PRSS3: variants seen among roughly 807,000 people sequenced by gnomAD.
PRSS3 encodes serine protease 3, also known as trypsin-3.
PRSS3 carries 14 observed loss-of-function variants against 20.8 expected under a neutral mutation model. The observed-to-expected ratio is 0.67, with a 90% CI of 0.44 to 1.05. The LOEUF (loss-of-function observed/expected upper bound fraction) is 1.05, where lower values mean the gene tolerates loss of function less well. Among genes scored for constraint, PRSS3 ranks in the 50% least tolerant of loss-of-function variants. The pLI is 0.00. For missense variants in PRSS3, 237 were observed against 306.4 expected (o/e 0.77, Z 1.69); for synonymous variants, 91 against 117.6 (o/e 0.77, Z 1.46).
At chr9:33,792,528 C>T (rs758952663), upstream of PRSS3, among the ~76,000 whole-genome samples, 2 of 152,180 alleles carry the variant, frequency 1.3e-5, no homozygotes, top group Non-Finnish European at 2.9e-5. Flanking sequence ...ATATCTGCTG[C>T]CTACCACCTC....
At chr9:33,777,407 G>A (rs1823979131) in intron 1 of PRSS3, among the ~76,000 whole-genome samples, 1 of 151,468 alleles carries the variant, frequency 6.6e-6, no homozygotes, top group Admixed American at 6.6e-5. Flanking sequence ...GTCTTAGGTC[G>A]AGCCACCGCG....
intron 1 of PRSS3, among the ~76,000 whole-genome samples, chr9:33,787,992 C>T (rs1178208932): frequency 1.3e-5 from 2 of 152,208 alleles, no homozygotes; most frequent in Non-Finnish European, 2.9e-5. Context: ...CTTGTCTGTG[C>T]CTTCCCTACT....
chr9:33,774,705 G>C (rs1002720159), intron 1 of PRSS3, among the ~76,000 whole-genome samples: 4 of 152,100 alleles, frequency 2.6e-5, no homozygotes, highest in African/African-American at 9.7e-5. Flanking sequence ...AAAAAAGCAG[G>C]CTGGGCACAG....
chr9:33,793,165 A>G (rs1346552624), upstream of PRSS3, among the ~76,000 whole-genome samples: 2 of 152,220 alleles, frequency 1.3e-5, no homozygotes, highest in Non-Finnish European at 2.9e-5. Flanking sequence ...GAAAATCCTC[A>G]TATTCTTGGG....
At chr9:33,763,973 C>G (rs1194406001) in intron 1 of PRSS3, among the ~76,000 whole-genome samples, 2 of 152,092 alleles carry the variant, frequency 1.3e-5, no homozygotes, top group Non-Finnish European at 2.9e-5. Context: ...TGAGTGTTGT[C>G]TGTATACTCT....
chr9:33,797,783 C>G (rs1825067980), intron 2 of PRSS3, 46 bp from the exon 3 acceptor site: 1 of 1,614,172 alleles, frequency 6.2e-7, no homozygotes, highest in Non-Finnish European at 8.5e-7. Context: ...GGAGGGGTGC[C>G]CAGGCTGTGG....
At position 33,750,884 on chromosome 9, in the gene PRSS3, A is replaced by C; in HGVS notation, c.-53+157A>C. Reference sequence around the variant, plus strand: ...GGACAGGGAGGGGATACCGACTGGGAGGGGCTCAGGGACAGGGATGGAGGC... The same window carrying C: ...GGACAGGGAGGGGATACCGACTGGGCGGGGCTCAGGGACAGGGATGGAGGC... On this transcript the variant is annotated intron_variant, in intron 1 of 5. Transcript: ENST00000342836. The surrounding 1 kb of genome is among the most constrained non-coding windows in gnomAD (Gnocchi z 4.8). 1 of 1,354,502 alleles carries C rather than the reference A, an allele frequency of 7.4e-7. No homozygotes were observed. The highest frequency in any genetic ancestry group is 1.9e-5 in the South Asian group (1 of 53,412). The allele number at this position is 1,354,502 out of a possible 1,614,324, so 83.9% of individuals were successfully genotyped here. A position where few individuals can be genotyped will look rare whatever the true frequency, so the allele number is the denominator to read the frequency against.
At chr9:33,779,735 G>T (rs1209434967) in intron 1 of PRSS3, among the ~76,000 whole-genome samples, 1 of 151,786 alleles carries the variant, frequency 6.6e-6, no homozygotes, top group Non-Finnish European at 1.5e-5. Flanking sequence ...CGGGCATGGT[G>T]GCAGGTACCT....
rs142813493 is a variant in PRSS3 at position 33,799,045 on chromosome 9, T to A, written c.609T>A (p.Pro203=). The change falls in exon 5 of 5, where the codon CCT becomes CCA. Residue 203 remains proline (P), a synonymous_variant. Transcript: ENST00000379405. ...CTCCCCAGCGTGACTCTGGTGGCCC[T>A]GTGGTCTGCAACGGACAGCTCCAAG... is the stretch of plus-strand genomic sequence containing the variant. The part of the protein sequence containing the change: ...KDSCQRDSGG[P]VVCNGQLQGV... 1.1e-3 allele frequency: 1,665 copies of A among 1,495,694 alleles called. No individual in the cohort carries two copies. The African/African-American group carries it at 0.012, about 11-fold the overall frequency. 92.7% of individuals were successfully genotyped at this position (1,495,694 alleles called of 1,614,324 possible). A position where few individuals can be genotyped will look rare whatever the true frequency, so the allele number is the denominator to read the frequency against.
intron 1 of PRSS3, among the ~76,000 whole-genome samples, chr9:33,751,006 C>T (rs1822667493): frequency 6.6e-6 from 1 of 152,030 alleles, no homozygotes; most frequent in African/African-American, 2.4e-5. Flanking sequence ...GCACACTACT[C>T]CCACCGCCCC....
intron 1 of PRSS3, among the ~76,000 whole-genome samples, chr9:33,758,281 TTTTCAAACCTA>T (rs1823042868): frequency 6.6e-6 from 1 of 152,264 alleles, no homozygotes. Flanking sequence ...GACAGACATC[TTTTCAAACCTA>T]ACTCAGACCC....
At chr9:33,763,673 T>C (rs1172237946) in intron 1 of PRSS3, among the ~76,000 whole-genome samples, 3 of 126,130 alleles carry the variant, frequency 2.4e-5, no homozygotes, top group African/African-American at 6.0e-5. Flanking sequence ...CACTCCAGCC[T>C]GGGCGAAAGA....
At chr9:33,765,923 A>C (rs1326113174) in intron 1 of PRSS3, among the ~76,000 whole-genome samples, 1 of 152,212 alleles carries the variant, frequency 6.6e-6, no homozygotes, top group African/African-American at 2.4e-5. Flanking sequence ...CTAACAAGTG[A>C]ATAAATAAAA....
At chr9:33,773,973 G>A (rs148414534) in intron 1 of PRSS3, among the ~76,000 whole-genome samples, 62 of 152,240 alleles carry the variant, frequency 4.1e-4, no homozygotes, top group African/African-American at 1.5e-3. Context: ...TTTCCTATTC[G>A]TAAGTTTGTC....
chr9:33,750,742 C>A lies in PRSS3; in HGVS notation c.-53+15C>A, dbSNP rs943289806. 13 of 1,422,478 alleles carry A rather than the reference C, an allele frequency of 9.1e-6. No individual in the cohort carries two copies. The highest frequency in any genetic ancestry group is 3.0e-5 in the African/African-American group (2 of 66,258). 88.1% of individuals were successfully genotyped at this position (1,422,478 alleles called of 1,614,324 possible). On this transcript the variant is annotated intron_variant, in intron 1 of 5. Transcript: ENST00000342836. The surrounding 1 kb of genome is among the most constrained non-coding windows in gnomAD (Gnocchi z 4.8). ...GCTGGGCACAGGTCAGACGTCAGTA[C>A]CCGCAGGGGGCTTGAAACTGGAGGA...
At chr9:33,754,488 C>T (rs1322508571) in intron 1 of PRSS3, among the ~76,000 whole-genome samples, 1 of 152,106 alleles carries the variant, frequency 6.6e-6, no homozygotes, top group Admixed American at 6.5e-5. Flanking sequence ...GGTGAGGGAA[C>T]CTGAGAGAAT....
chr9:33,789,188 T>A (rs1443971224), intron 1 of PRSS3, among the ~76,000 whole-genome samples: 1 of 152,246 alleles, frequency 6.6e-6, no homozygotes, highest in East Asian at 1.9e-4. Context: ...GGGTGGCCTA[T>A]TTCCTTGGGC....
At chr9:33,780,504 A>G (rs1587387170) in intron 1 of PRSS3, among the ~76,000 whole-genome samples, 1 of 152,322 alleles carries the variant, frequency 6.6e-6, no homozygotes, top group South Asian at 2.1e-4. Flanking sequence ...TGTCAAGTCT[A>G]CATAACAACC....
intron 1 of PRSS3, among the ~76,000 whole-genome samples, chr9:33,771,641 TTTTG>T (rs1293517791): frequency 1.3e-4 from 16 of 119,232 alleles, no homozygotes; most frequent in East Asian, 3.6e-4. Flanking sequence ...TTTTTTGTTT[TTTTG>T]TTTTTTTTTT....
Sources: gnomAD v4.1 joint callset for allele counts (sites outside exome capture counted in the v4.1 genomes callset) on GRCh38, gnomAD v4.1.1 for gene constraint, Gnocchi (gnomAD v3.1) non-coding constraint, MANE v1.5 for transcripts, NCBI Gene and HGNC (gene_info 2026-07-23, HGNC 2026-07-21) for gene names.